The following MACROD2 variants were observed in gnomAD, a reference collection of about 807,000 sequenced individuals.
MACROD2 encodes mono-ADP ribosylhydrolase 2.
Under a neutral mutation model 70.4 loss-of-function variants are expected in MACROD2, and 36 were observed. That is an observed-to-expected ratio of 0.51 (90% CI 0.39 to 0.68). The LOEUF is 0.68. MACROD2 is among the 30% of genes least tolerant of loss of function. The pLI is 0.00. For missense variants in MACROD2, 496 were observed against 538.4 expected (o/e 0.92, Z 0.78); for synonymous variants, 172 against 178.8 (o/e 0.96, Z 0.30).
chr20:15,861,434 T>C (rs2064422740), intron 8 of MACROD2, among the ~76,000 whole-genome samples: 1 of 152,218 alleles, frequency 6.6e-6, no homozygotes, highest in African/African-American at 2.4e-5. Flanking sequence ...CAGATAGGAC[T>C]GGACACCAGA....
chr20:15,416,828 G>A (rs754823013), intron 6 of MACROD2, among the ~76,000 whole-genome samples: 116 of 152,012 alleles, frequency 7.6e-4, no homozygotes, highest in Non-Finnish European at 1.3e-3. Flanking sequence ...GCGTGAACCC[G>A]GGAGGCAGAG....
At chr20:15,349,905 G>A (rs2078209438) in intron 6 of MACROD2, among the ~76,000 whole-genome samples, 1 of 152,050 alleles carries the variant, frequency 6.6e-6, no homozygotes, top group Non-Finnish European at 1.5e-5. Flanking sequence ...TGGCTGGAGC[G>A]AGATGTTATA....
At chr20:15,785,023 G>A (rs1285039680) in intron 8 of MACROD2, among the ~76,000 whole-genome samples, 1 of 151,720 alleles carries the variant, frequency 6.6e-6, no homozygotes, top group African/African-American at 2.4e-5. Flanking sequence ...ATGGTGGCGG[G>A]CGCCTGTAGT....
At chr20:14,050,035 G>A (rs909226125) in intron 2 of MACROD2, among the ~76,000 whole-genome samples, 4 of 149,144 alleles carry the variant, frequency 2.7e-5, no homozygotes, top group Admixed American at 6.7e-5. Context: ...GCAGTGAGCC[G>A]AGATCGCACC....
At chr20:15,655,816 G>C (rs1051123640) in intron 8 of MACROD2, among the ~76,000 whole-genome samples, 3 of 152,158 alleles carry the variant, frequency 2.0e-5, no homozygotes, top group South Asian at 4.1e-4. Context: ...GGTCTGGAAG[G>C]CTTGCTCCTG....
At position 14,207,013 on chromosome 20, in the gene MACROD2, C is replaced by T. The variant is rs193025557; in HGVS notation, c.271+121285C>T. On this transcript the variant is annotated intron_variant, in intron 3 of 17. Coordinates refer to ENST00000684519, the MANE Select transcript of MACROD2 (RefSeq NM_001351661.2). ...ATTTAAGAGAAAGATGGGCAATATG[C>T]TGAGTTATTTTGTACTTAGCGAATA... Among the ~76,000 whole-genome samples the T allele has an allele frequency of 9.3e-3, 1,412 of 152,102 alleles. 13 individuals are homozygous for T. The highest frequency in any genetic ancestry group is 0.013 in the Non-Finnish European group (903 of 68,002).
At chr20:14,123,720 A>C (rs2054612347) in intron 3 of MACROD2, among the ~76,000 whole-genome samples, 1 of 152,144 alleles carries the variant, frequency 6.6e-6, no homozygotes, top group African/African-American at 2.4e-5. Flanking sequence ...AGGTTGATGA[A>C]TGTCAGTGGT....
chr20:14,149,191 T>TA (rs1325534791), intron 3 of MACROD2, among the ~76,000 whole-genome samples: 1 of 104,080 alleles, frequency 9.6e-6, no homozygotes, highest in Non-Finnish European at 2.4e-5. Flanking sequence ...AAGTACCCAA[T>TA]GTTTTTTTTT....
chr20:14,090,344 G>A (rs2054130619), intron 3 of MACROD2, among the ~76,000 whole-genome samples: 1 of 151,584 alleles, frequency 6.6e-6, no homozygotes, highest in Admixed American at 6.6e-5. Context: ...GGAGGTCAAG[G>A]CGGGTGGATC....
chr20:15,565,868 G>A (rs1057495753), intron 8 of MACROD2, among the ~76,000 whole-genome samples: 4 of 152,110 alleles, frequency 2.6e-5, no homozygotes, highest in African/African-American at 9.7e-5. Flanking sequence ...TAGTAGTGCT[G>A]TAAGGGGAAA....
chr20:15,333,256 C>G (rs1299621054), intron 6 of MACROD2, among the ~76,000 whole-genome samples: 2 of 151,474 alleles, frequency 1.3e-5, no homozygotes, highest in Non-Finnish European at 2.9e-5. Context: ...TTTTGGTAAA[C>G]TCTCCAGGTG....
At chr20:14,761,735 G>A (rs2072018380) in intron 5 of MACROD2, among the ~76,000 whole-genome samples, 1 of 152,032 alleles carries the variant, frequency 6.6e-6, no homozygotes, top group Non-Finnish European at 1.5e-5. Context: ...ATTTGACAGA[G>A]CTGTAGATGA....
chr20:14,924,941 G>T (rs868490449), intron 5 of MACROD2, among the ~76,000 whole-genome samples: 6 of 151,972 alleles, frequency 3.9e-5, no homozygotes, highest in African/African-American at 1.5e-4. Flanking sequence ...ATTCCCGATT[G>T]CCTTGCCTCC....
At chr20:15,927,265 G>A (rs1409355680) in intron 10 of MACROD2, among the ~76,000 whole-genome samples, 2 of 152,160 alleles carry the variant, frequency 1.3e-5, no homozygotes, top group East Asian at 3.9e-4. Flanking sequence ...CCCTTGACAT[G>A]TGTTTATGGA....
At chr20:15,041,947 G>A (rs909435751) in intron 5 of MACROD2, among the ~76,000 whole-genome samples, 1 of 152,120 alleles carries the variant, frequency 6.6e-6, no homozygotes, top group African/African-American at 2.4e-5. Flanking sequence ...AAAACATATG[G>A]TGATGAGGCA....
At chr20:15,163,226 T>C (rs1394505275) in intron 5 of MACROD2, among the ~76,000 whole-genome samples, 3 of 151,876 alleles carry the variant, frequency 2.0e-5, no homozygotes, top group Non-Finnish European at 4.4e-5. Context: ...TTTAGCTACC[T>C]CAATTATCAC....
chr20:15,759,145 C>CAAAAAAAAAA (rs57212358), intron 8 of MACROD2, among the ~76,000 whole-genome samples: 5 of 58,920 alleles, frequency 8.5e-5, no homozygotes, highest in East Asian at 5.1e-4. Context: ...GACTCCATCT[C>CAAAAAAAAAA]AAAAAAAAAA....
intron 8 of MACROD2, among the ~76,000 whole-genome samples, chr20:15,762,026 G>C (rs1442092649): frequency 2.0e-5 from 3 of 152,190 alleles, no homozygotes; most frequent in Non-Finnish European, 4.4e-5. Context: ...TTTTTGGGCA[G>C]AGGTGATATG....
At chr20:15,921,146 T>G (rs2065398780) in intron 10 of MACROD2, among the ~76,000 whole-genome samples, 1 of 152,052 alleles carries the variant, frequency 6.6e-6, no homozygotes, top group Admixed American at 6.6e-5. Flanking sequence ...CATGCCTCAC[T>G]CCCAGCAAAG....
Sources: allele counts gnomAD v4.1 joint callset (sites outside exome capture counted in the v4.1 genomes callset), GRCh38; gene constraint gnomAD v4.1.1; transcripts MANE v1.5; gene names NCBI Gene and HGNC (gene_info 2026-07-23, HGNC 2026-07-21).